ABTB3: variants seen among roughly 807,000 people sequenced by gnomAD.
ABTB3 encodes the protein ankyrin repeat- and BTB/POZ domain-containing protein 3.
chr12:107,597,178 C>T, the ABTB3 span, among the ~76,000 whole-genome samples: 3 of 152,198 alleles, frequency 2.0e-5, no homozygotes, highest in Non-Finnish European at 4.4e-5. Context: ...TTATCTTGAG[C>T]TCCAGAAATT....
the ABTB3 span, among the ~76,000 whole-genome samples, chr12:107,564,095 T>A: frequency 3.0e-5 from 3 of 100,042 alleles, no homozygotes; most frequent in Admixed American, 1.1e-4. Context: ...TCTCTCTGTG[T>A]GTGTGTGTGT....
At chr12:107,476,522 A>G in the ABTB3 span, among the ~76,000 whole-genome samples, 37 of 152,124 alleles carry the variant, frequency 2.4e-4, no homozygotes, top group Admixed American at 2.4e-3. Flanking sequence ...ATAATAAGGC[A>G]GAAATGTAGT....
At chr12:107,644,393 C>T in the ABTB3 span, among the ~76,000 whole-genome samples, 1 of 152,100 alleles carries the variant, frequency 6.6e-6, no homozygotes, top group Non-Finnish European at 1.5e-5. Flanking sequence ...GCAGTGGGGC[C>T]CAGGCATCAG....
the ABTB3 span, among the ~76,000 whole-genome samples, chr12:107,494,722 G>T: frequency 6.6e-6 from 1 of 152,164 alleles, no homozygotes; most frequent in Non-Finnish European, 1.5e-5. Context: ...GCCTTCCACA[G>T]CCCTCGCCAC....
chr12:107,559,513 T>C, the ABTB3 span, among the ~76,000 whole-genome samples: 1 of 152,368 alleles, frequency 6.6e-6, no homozygotes, highest in Admixed American at 6.5e-5. Flanking sequence ...GAGAAAGCAC[T>C]GTCTGAGCTC....
At chr12:107,430,817 A>T in the ABTB3 span, among the ~76,000 whole-genome samples, 1 of 152,240 alleles carries the variant, frequency 6.6e-6, no homozygotes, top group African/African-American at 2.4e-5. Flanking sequence ...ACCTTCTGTC[A>T]TATTCAAAGA....
the ABTB3 span, among the ~76,000 whole-genome samples, chr12:107,575,257 A>G: frequency 6.6e-6 from 1 of 152,210 alleles, no homozygotes; most frequent in Non-Finnish European, 1.5e-5. Flanking sequence ...AGGCAGGAAC[A>G]TCCCTCTATG....
chr12:107,576,374 A>G, the ABTB3 span, among the ~76,000 whole-genome samples: 1 of 152,212 alleles, frequency 6.6e-6, no homozygotes, highest in Non-Finnish European at 1.5e-5. Flanking sequence ...GGAGGCTGGA[A>G]GCCCCAGATC....
the ABTB3 span, among the ~76,000 whole-genome samples, chr12:107,599,116 G>A: frequency 6.6e-6 from 1 of 152,220 alleles, no homozygotes; most frequent in Non-Finnish European, 1.5e-5. Flanking sequence ...CTGAACAGGT[G>A]TTGGGGTGTT....
At chr12:107,657,491 CCTCTCCA>C in the ABTB3 span, 8 of 1,609,634 alleles carry the variant, frequency 5.0e-6, no homozygotes, top group Non-Finnish European at 6.8e-6. Context: ...TCTCCCATTT[CCTCTCCA>C]CTCTCCACAG....
chr12:107,599,436 C>T, the ABTB3 span, among the ~76,000 whole-genome samples: 1 of 152,190 alleles, frequency 6.6e-6, no homozygotes, highest in Non-Finnish European at 1.5e-5. Context: ...TCCAGCAGTT[C>T]CCTGCTGCCC....
chr12:107,369,103 TC>T, the ABTB3 span, among the ~76,000 whole-genome samples: 1 of 152,232 alleles, frequency 6.6e-6, no homozygotes, highest in Non-Finnish European at 1.5e-5. Flanking sequence ...TGTAATCAAA[TC>T]TACCAACTTT....
chr12:107,515,343 A>G, the ABTB3 span, among the ~76,000 whole-genome samples: 2 of 152,338 alleles, frequency 1.3e-5, no homozygotes, highest in Admixed American at 1.3e-4. Flanking sequence ...ACTATTAATT[A>G]GACAACCTTC....
the ABTB3 span, among the ~76,000 whole-genome samples, chr12:107,354,639 C>T: frequency 3.9e-5 from 6 of 152,132 alleles, 1 homozygote; most frequent in South Asian, 1.2e-3. Flanking sequence ...TTTTGTTTAT[C>T]CATCAATTGC....
chr12:107,568,912 C>T, the ABTB3 span, among the ~76,000 whole-genome samples: 14,737 of 152,136 alleles, frequency 0.097, 817 homozygotes, highest in Middle Eastern at 0.12. Context: ...ACTCAATGCA[C>T]GAATCATTCT....
At chr12:107,478,230 T>C in the ABTB3 span, among the ~76,000 whole-genome samples, 2 of 152,238 alleles carry the variant, frequency 1.3e-5, no homozygotes, top group African/African-American at 4.8e-5. Flanking sequence ...CTATATGCAG[T>C]TATTTTAAAA....
chr12:107,366,398 A>G, the ABTB3 span, among the ~76,000 whole-genome samples: 1 of 152,242 alleles, frequency 6.6e-6, no homozygotes, highest in African/African-American at 2.4e-5. Context: ...ACAAGGAAGA[A>G]AAAAGGAAGA....
At chr12:107,357,462 T>C in the ABTB3 span, among the ~76,000 whole-genome samples, 1 of 152,180 alleles carries the variant, frequency 6.6e-6, no homozygotes, top group Admixed American at 6.6e-5. Context: ...TTAAAAAAAA[T>C]TAGCTGCTTG....
the ABTB3 span, among the ~76,000 whole-genome samples, chr12:107,348,383 C>G: frequency 6.6e-6 from 1 of 152,010 alleles, no homozygotes; most frequent in Non-Finnish European, 1.5e-5. Flanking sequence ...AATGTATATG[C>G]CAGACAGTAT....
Sources: gnomAD v4.1 joint callset for allele counts (sites outside exome capture counted in the v4.1 genomes callset) on GRCh38, gnomAD v4.1.1 for gene constraint, MANE v1.5 for transcripts, NCBI Gene and HGNC (gene_info 2026-07-23, HGNC 2026-07-21) for gene names.